The following MAGI3 variants were observed in gnomAD, a reference collection of about 807,000 sequenced individuals.
MAGI3 encodes the protein membrane associated guanylate kinase, WW and PDZ domain containing 3, also known as membrane-associated guanylate kinase, WW and PDZ domain-containing protein 3.
Under a neutral mutation model 121.8 loss-of-function variants are expected in MAGI3, and 43 were observed. The ratio of observed to expected loss-of-function variants is 0.35; its 90% CI spans 0.28 to 0.46. The LOEUF is 0.46. Among genes scored for constraint, MAGI3 ranks in the 20% least tolerant of loss-of-function variants. The probability of loss-of-function intolerance (pLI) is 1.00; values close to 1 mark genes in which losing one functional copy is unlikely to be tolerated. For synonymous variants in MAGI3, 553 were observed against 639.3 expected, an observed-to-expected ratio of 0.86 and a Z score of 2.04; for missense variants, 1,547 against 1,797.3, an observed-to-expected ratio of 0.86 and a Z score of 2.52.
chr1:113,646,588 A>G lies in MAGI3; in HGVS notation c.2101A>G (p.Lys701Glu), dbSNP rs534853362. The change falls in exon 12 of 21, where the codon AAA (lysine) becomes GAA (glutamate). Residue 701 changes from lysine (K) to glutamate (E), a missense_variant. Coordinates refer to ENST00000307546, the MANE Select transcript of MAGI3 (RefSeq NM_001142782.2). ...GAGCATTATCAGGTCAGGATCCCCA[A>G]AATTGGATCCTTCTGAGGTCTACCT... ...PPSIIRSGSPKLDPSEVYLKS... is the reference protein window; with the variant it reads ...PPSIIRSGSPELDPSEVYLKS... 1.9e-6 allele frequency: 3 copies of G among 1,613,264 alleles called. No homozygotes were observed. Among genetic ancestry groups the G allele is most frequent in the African/African-American group, 1.3e-5 (1 of 74,904 alleles).
chr1:113,453,595 T>C (rs1469340896), intron 1 of MAGI3, among the ~76,000 whole-genome samples: 1 of 152,188 alleles, frequency 6.6e-6, no homozygotes, highest in Non-Finnish European at 1.5e-5. Context: ...CATACTGCTA[T>C]TGGAGTAGTC....
chr1:113,452,459 C>T (rs7553052), intron 1 of MAGI3, among the ~76,000 whole-genome samples: 1 of 58,158 alleles, frequency 1.7e-5, no homozygotes, highest in African/African-American at 4.2e-5. Flanking sequence ...TAGACATACA[C>T]ACACACACAC....
intron 1 of MAGI3, among the ~76,000 whole-genome samples, chr1:113,503,448 A>T (rs1657148525): frequency 6.6e-6 from 1 of 151,822 alleles, no homozygotes. Flanking sequence ...AAATTATCCC[A>T]ATTATTACCT....
intron 16 of MAGI3, among the ~76,000 whole-genome samples, chr1:113,666,560 C>T (rs1017903278): frequency 6.6e-6 from 1 of 152,198 alleles, no homozygotes; most frequent in African/African-American, 2.4e-5. Flanking sequence ...CTGTTTCTAC[C>T]ACATCTGCAG....
At chr1:113,441,141 C>T (rs781017771) in intron 1 of MAGI3, among the ~76,000 whole-genome samples, 5 of 152,022 alleles carry the variant, frequency 3.3e-5, no homozygotes, top group Non-Finnish European at 7.4e-5. Flanking sequence ...TGTCAACTTC[C>T]GGAAGATGAT....
intron 16 of MAGI3, among the ~76,000 whole-genome samples, chr1:113,664,870 C>T (rs1427513075): frequency 1.3e-5 from 2 of 152,102 alleles, no homozygotes; most frequent in African/African-American, 4.8e-5. Flanking sequence ...ATTGGATACT[C>T]ATGAATTATA....
At chr1:113,479,828 TCTTA>T (rs2101560410) in intron 1 of MAGI3, among the ~76,000 whole-genome samples, 1 of 152,282 alleles carries the variant, frequency 6.6e-6, no homozygotes, top group South Asian at 2.1e-4. Context: ...AAATGAACCA[TCTTA>T]CAGCTTGCTG....
At chr1:113,549,397 C>T in intron 1 of MAGI3, 118 bp from the exon 2 acceptor site, 2 of 515,594 alleles carry the variant, frequency 3.9e-6, no homozygotes. Flanking sequence ...TCTCTGATTT[C>T]TTTATCCTGT....
intron 1 of MAGI3, among the ~76,000 whole-genome samples, chr1:113,479,470 A>G (rs938436325): frequency 4.6e-5 from 7 of 152,126 alleles, no homozygotes; most frequent in Non-Finnish European, 1.0e-4. Flanking sequence ...AAATATACTC[A>G]TGGTCTTAAA....
At chr1:113,486,003 A>G (rs965249854) in intron 1 of MAGI3, among the ~76,000 whole-genome samples, 1 of 152,096 alleles carries the variant, frequency 6.6e-6, no homozygotes, top group Non-Finnish European at 1.5e-5. Flanking sequence ...TGGGTTCTCT[A>G]TTCTGTTCCA....
At chr1:113,546,551 G>A (rs1659542016) in intron 1 of MAGI3, among the ~76,000 whole-genome samples, 1 of 151,848 alleles carries the variant, frequency 6.6e-6, no homozygotes, top group South Asian at 2.1e-4. Context: ...TGGCTAGGCT[G>A]GTCTCGATCT....
chr1:113,447,631 A>T (rs920505961), intron 1 of MAGI3, among the ~76,000 whole-genome samples: 7 of 152,228 alleles, frequency 4.6e-5, no homozygotes, highest in Middle Eastern at 3.2e-3. Context: ...AGGCAGGTGG[A>T]TCACCTGAGG....
intron 2 of MAGI3, among the ~76,000 whole-genome samples, chr1:113,564,789 A>G (rs1660374396): frequency 6.6e-6 from 1 of 152,128 alleles, no homozygotes; most frequent in Non-Finnish European, 1.5e-5. Flanking sequence ...TCACATACGT[A>G]TTTAGTATTT....
chr1:113,641,100 TGATATATA>T (rs1357975373), intron 9 of MAGI3, among the ~76,000 whole-genome samples: 2 of 63,706 alleles, frequency 3.1e-5, no homozygotes, highest in African/African-American at 5.5e-5. Flanking sequence ...ATTATATATA[TGATATATA>T]AATATATATG....
rs576541263 is a variant in MAGI3, at chr1:113,654,122, G to C, written c.2629+104G>C. 3.4e-5 allele frequency: 30 copies of C among 885,178 alleles called. 1 individual carries two copies. The South Asian group carries it at 6.8e-4, about 20-fold the overall frequency. The allele number at this position is 885,178 out of a possible 1,614,324, so 54.8% of individuals were successfully genotyped here. On this transcript the variant is annotated intron_variant, in intron 15 of 20. Coordinates refer to ENST00000307546, the MANE Select transcript of MAGI3 (RefSeq NM_001142782.2). ...AGGAGCTATGTATAAAATGCCTTAG[G>C]TACTTATCTTTTTAAGAATGGTGAA...
chr1:113,624,304 G>T (rs181868026), intron 9 of MAGI3, among the ~76,000 whole-genome samples: 1 of 152,222 alleles, frequency 6.6e-6, no homozygotes. Flanking sequence ...TAGTGGTTGT[G>T]CAAATTTACA....
At chr1:113,484,771 C>G (rs1003890255) in intron 1 of MAGI3, among the ~76,000 whole-genome samples, 2 of 133,934 alleles carry the variant, frequency 1.5e-5, no homozygotes, top group East Asian at 2.1e-4. Flanking sequence ...TCTCACCAGG[C>G]TGGAGTGCAG....
At chr1:113,639,897 G>T (rs957037243) in intron 9 of MAGI3, among the ~76,000 whole-genome samples, 4 of 152,080 alleles carry the variant, frequency 2.6e-5, no homozygotes, top group Non-Finnish European at 5.9e-5. Context: ...TAGAGATGGG[G>T]TTTCGCCATG....
chr1:113,431,352 A>G (rs772459100), intron 1 of MAGI3, among the ~76,000 whole-genome samples: 4 of 152,166 alleles, frequency 2.6e-5, no homozygotes, highest in Non-Finnish European at 5.9e-5. Flanking sequence ...TATATAACTT[A>G]TTTGTAAGTT....
Sources: allele counts gnomAD v4.1 joint callset (sites outside exome capture counted in the v4.1 genomes callset), GRCh38; gene constraint gnomAD v4.1.1; transcripts MANE v1.5; gene names NCBI Gene and HGNC (gene_info 2026-07-23, HGNC 2026-07-21).